Variants in SDK1 observed in about 807,000 individuals in gnomAD.
The protein encoded by SDK1 is protein sidekick-1.
In SDK1, 157 loss-of-function variants were observed where a neutral mutation model predicts 245.5. The ratio of observed to expected loss-of-function variants is 0.64; its 90% CI spans 0.56 to 0.73. SDK1 has a LOEUF of 0.73. Ranked by LOEUF, SDK1 falls within the 30% of genes least tolerant of loss-of-function variation. The pLI is 0.00. For missense variants in SDK1, 3,583 were observed against 3,002.3 expected, an observed-to-expected ratio of 1.19 and a Z score of -4.52; for synonymous variants, 1,647 against 1,278.5, an observed-to-expected ratio of 1.29 and a Z score of -6.15.
intron 4 of SDK1, among the ~76,000 whole-genome samples, chr7:3,817,606 G>A (rs1462203641): frequency 6.6e-6 from 1 of 152,124 alleles, no homozygotes; most frequent in African/African-American, 2.4e-5. Flanking sequence ...CAGCTGATCT[G>A]GTGTGGTCTG....
intron 4 of SDK1, among the ~76,000 whole-genome samples, chr7:3,794,815 C>G (rs903274721): frequency 4.6e-5 from 7 of 152,142 alleles, no homozygotes; most frequent in African/African-American, 1.4e-4. Flanking sequence ...GGACATCATC[C>G]TCTTTCCTCC....
At chr7:3,313,126 T>C (rs1779588309) in intron 1 of SDK1, among the ~76,000 whole-genome samples, 1 of 152,124 alleles carries the variant, frequency 6.6e-6, no homozygotes, top group Admixed American at 6.5e-5. Flanking sequence ...GTAAATGAAA[T>C]GGCTGGGTGT....
chr7:3,604,522 G>GT (rs1781355992), intron 1 of SDK1, among the ~76,000 whole-genome samples: 1 of 149,920 alleles, frequency 6.7e-6, no homozygotes, highest in Non-Finnish European at 1.5e-5. Context: ...TTGATATGCT[G>GT]TATTTTCATT....
intron 25 of SDK1, among the ~76,000 whole-genome samples, chr7:4,116,771 T>C (rs1184058049): frequency 1.3e-5 from 2 of 152,214 alleles, no homozygotes; most frequent in African/African-American, 4.8e-5. Flanking sequence ...GGAATGCTGT[T>C]AGGGCGTGGC....
At chr7:3,801,721 C>G (rs1779111817) in intron 4 of SDK1, among the ~76,000 whole-genome samples, 1 of 152,170 alleles carries the variant, frequency 6.6e-6, no homozygotes, top group South Asian at 2.1e-4. Context: ...TCCTTCTCCT[C>G]TTGCTTCCTT....
chr7:3,587,857 G>C (rs1271494990), intron 1 of SDK1, among the ~76,000 whole-genome samples: 5 of 152,180 alleles, frequency 3.3e-5, no homozygotes, highest in Admixed American at 2.0e-4. Flanking sequence ...CCAGGGCAGG[G>C]GCCAGATCTT....
chr7:3,822,851 C>A (rs144828663), intron 5 of SDK1, among the ~76,000 whole-genome samples: 1,609 of 151,940 alleles, frequency 0.011, 12 homozygotes, highest in Non-Finnish European at 0.017. Flanking sequence ...GTACAATTGC[C>A]TTAGGCCCAG....
chr7:3,446,088 C>T, intron 1 of SDK1, among the ~76,000 whole-genome samples: 1 of 152,096 alleles, frequency 6.6e-6, no homozygotes, highest in South Asian at 2.1e-4. Context: ...CCCTTCTGGT[C>T]CTCTTTAGTT....
At chr7:3,404,071 C>T (rs1237169345) in intron 1 of SDK1, among the ~76,000 whole-genome samples, 1 of 151,022 alleles carries the variant, frequency 6.6e-6, no homozygotes, top group Non-Finnish European at 1.5e-5. Flanking sequence ...AACAAGAGTA[C>T]ATACCTTAAT....
At chr7:3,537,521 T>C (rs1382899025) in intron 1 of SDK1, among the ~76,000 whole-genome samples, 1 of 152,206 alleles carries the variant, frequency 6.6e-6, no homozygotes, top group Non-Finnish European at 1.5e-5. Flanking sequence ...TTATTCCTCA[T>C]ATATGGATTC....
chr7:3,599,774 G>C (rs543927147), intron 1 of SDK1, among the ~76,000 whole-genome samples: 1 of 152,154 alleles, frequency 6.6e-6, no homozygotes, highest in Admixed American at 6.5e-5. Flanking sequence ...CTTGTGTTGA[G>C]TGTTTGCCAG....
chr7:3,535,589 C>T (rs548515503), intron 1 of SDK1, among the ~76,000 whole-genome samples: 1 of 152,216 alleles, frequency 6.6e-6, no homozygotes, highest in South Asian at 2.1e-4. Flanking sequence ...AAAGCGCGGG[C>T]CTTCTATAAC....
At chr7:3,691,678 C>A (rs1479069310) in intron 4 of SDK1, among the ~76,000 whole-genome samples, 1 of 152,196 alleles carries the variant, frequency 6.6e-6, no homozygotes, top group Non-Finnish European at 1.5e-5. Flanking sequence ...GGTTGCACAG[C>A]ACCAACACAA....
At chr7:4,115,049 T>A (rs1430459477) in intron 25 of SDK1, among the ~76,000 whole-genome samples, 1 of 152,200 alleles carries the variant, frequency 6.6e-6, no homozygotes, top group Non-Finnish European at 1.5e-5. Context: ...GTGGACTAAC[T>A]TCCGCTGGCC....
chr7:3,701,659 G>C (rs1165508333), intron 4 of SDK1, among the ~76,000 whole-genome samples: 1 of 152,116 alleles, frequency 6.6e-6, no homozygotes, highest in Non-Finnish European at 1.5e-5. Flanking sequence ...AAAGGAGCTG[G>C]AATAGGTGAA....
intron 5 of SDK1, among the ~76,000 whole-genome samples, chr7:3,915,583 C>T (rs1331384312): frequency 6.6e-6 from 1 of 152,178 alleles, no homozygotes; most frequent in Admixed American, 6.5e-5. Flanking sequence ...ATGGTGGGGC[C>T]TCCCCAGTCA....
chr7:3,773,581 A>G (rs1048477552), intron 4 of SDK1, among the ~76,000 whole-genome samples: 1 of 151,996 alleles, frequency 6.6e-6, no homozygotes, highest in African/African-American at 2.4e-5. Flanking sequence ...TAAATGAGTG[A>G]TACTTTCTTA....
chr7:4,155,241 C>A (rs146885644), intron 30 of SDK1, among the ~76,000 whole-genome samples: 1 of 151,894 alleles, frequency 6.6e-6, no homozygotes, highest in African/African-American at 2.4e-5. Flanking sequence ...CCCCCAGATC[C>A]GCATTTTGTG....
At chr7:3,811,170 C>T (rs751811733) in intron 4 of SDK1, among the ~76,000 whole-genome samples, 3 of 152,184 alleles carry the variant, frequency 2.0e-5, no homozygotes, top group Non-Finnish European at 4.4e-5. Context: ...CCGATTTGCA[C>T]TTCATCAGTG....
Sources: gnomAD v4.1 joint callset for allele counts (sites outside exome capture counted in the v4.1 genomes callset) on GRCh38, gnomAD v4.1.1 for gene constraint, MANE v1.5 for transcripts, NCBI Gene and HGNC (gene_info 2026-07-23, HGNC 2026-07-21) for gene names.